FRMD5: variants seen among roughly 807,000 people sequenced by gnomAD.
The protein encoded by FRMD5 is FERM domain-containing protein 5.
A neutral mutation model predicts 69.0 loss-of-function variants in FRMD5; 20 were observed. The observed-to-expected ratio is 0.29, with a 90% CI of 0.20 to 0.42. The LOEUF is 0.42. Ranked by LOEUF, FRMD5 falls within the 10% of genes least tolerant of loss-of-function variation. The pLI, the probability that FRMD5 is intolerant of heterozygous loss-of-function variation, is 1.00. For synonymous variants in FRMD5, 271 were observed against 260.1 expected, an observed-to-expected ratio of 1.04 and a Z score of -0.40; for missense variants, 595 against 708.6, an observed-to-expected ratio of 0.84 and a Z score of 1.82.
chr15:44,054,907 T>A (rs1892809562), intron 1 of FRMD5, among the ~76,000 whole-genome samples: 1 of 151,690 alleles, frequency 6.6e-6, no homozygotes, highest in Admixed American at 6.6e-5. Context: ...CCATCTCTAC[T>A]AAAAATACAA....
chr15:44,082,308 A>G (rs1259892599), intron 1 of FRMD5, among the ~76,000 whole-genome samples: 2 of 151,944 alleles, frequency 1.3e-5, no homozygotes, highest in East Asian at 3.9e-4. Flanking sequence ...CCAAACTAAT[A>G]TATTTTTAAA....
At chr15:44,110,021 T>C (rs1481791796) in intron 1 of FRMD5, among the ~76,000 whole-genome samples, 1 of 152,238 alleles carries the variant, frequency 6.6e-6, no homozygotes, top group African/African-American at 2.4e-5. Context: ...TTTATTTATT[T>C]ATTCACCTTC....
rs113107317 is a variant in FRMD5 at position 43,871,065 on chromosome 15, A to T, written c.*2820T>A. 2 of 152,226 alleles carry T rather than the reference A, an allele frequency of 1.3e-5. No homozygotes were observed. The highest frequency in any genetic ancestry group is 4.8e-5 in the African/African-American group (2 of 41,460). 9.4% of individuals were successfully genotyped at this position (152,226 alleles called of 1,614,324 possible). ...GCTTTTTCTACAATGAGATAAACTA[A>T]TTTTGAGAGAAAATGAGAGACATGT... is the stretch of plus-strand genomic sequence containing the variant. On this transcript the variant is annotated 3_prime_UTR_variant, in exon 14 of 14. Transcript: ENST00000417257.
intron 1 of FRMD5, among the ~76,000 whole-genome samples, chr15:43,951,954 T>C (rs1215545921): frequency 6.6e-6 from 1 of 151,514 alleles, no homozygotes; most frequent in Non-Finnish European, 1.5e-5. Context: ...CCCGAGTCTG[T>C]ATGTGCATGT....
chr15:43,933,121 G>T (rs1184776015), intron 1 of FRMD5, among the ~76,000 whole-genome samples: 1 of 152,210 alleles, frequency 6.6e-6, no homozygotes, highest in Non-Finnish European at 1.5e-5. Context: ...GAGTGAGACA[G>T]CTGGGGCCCA....
At chr15:44,195,378 C>T (rs1488563092), upstream of FRMD5, 3 of 398,196 alleles carry the variant, frequency 7.5e-6, no homozygotes, top group African/African-American at 2.2e-5. Context: ...ACCGAAAAGC[C>T]AATCGAGATA....
intron 13 of FRMD5, among the ~76,000 whole-genome samples, chr15:43,874,740 A>T (rs1190840908): frequency 6.6e-6 from 1 of 151,838 alleles, no homozygotes; most frequent in Admixed American, 6.6e-5. Context: ...TCTCAACTAA[A>T]AATACAAAAA....
intron 10 of FRMD5, among the ~76,000 whole-genome samples, chr15:43,886,197 G>A (rs1435479017): frequency 6.6e-6 from 1 of 152,148 alleles, no homozygotes; most frequent in African/African-American, 2.4e-5. Context: ...GACCTTAGGG[G>A]TCTCCTTTCC....
At chr15:43,925,714 C>T (rs991724447) in intron 1 of FRMD5, among the ~76,000 whole-genome samples, 4 of 152,244 alleles carry the variant, frequency 2.6e-5, no homozygotes, top group Non-Finnish European at 4.4e-5. Flanking sequence ...CCTCACTACA[C>T]TTCAGCCATG....
chr15:43,979,263 A>G (rs2090511411), intron 1 of FRMD5, among the ~76,000 whole-genome samples: 1 of 150,886 alleles, frequency 6.6e-6, no homozygotes, highest in South Asian at 2.1e-4. Flanking sequence ...TGAACCTGGG[A>G]GGTGGAGATT....
intron 1 of FRMD5, among the ~76,000 whole-genome samples, chr15:44,038,751 G>A (rs907824983): frequency 6.6e-6 from 1 of 151,976 alleles, no homozygotes; most frequent in African/African-American, 2.4e-5. Context: ...AGCACGAGGG[G>A]TCAGGGGATT....
chr15:44,143,895 G>C (rs2077312359), intron 1 of FRMD5, among the ~76,000 whole-genome samples: 3 of 143,916 alleles, frequency 2.1e-5, no homozygotes, highest in African/African-American at 7.8e-5. Context: ...CTGCACGCCA[G>C]TCTGGGCGAC....
At chr15:44,053,303 A>C (rs1001904877) in intron 1 of FRMD5, among the ~76,000 whole-genome samples, 9 of 152,166 alleles carry the variant, frequency 5.9e-5, no homozygotes, top group African/African-American at 2.2e-4. Flanking sequence ...TTTAGTCTTT[A>C]TTTTAAGAGC....
chr15:44,108,466 G>A (rs1420644066), intron 1 of FRMD5, among the ~76,000 whole-genome samples: 1 of 152,158 alleles, frequency 6.6e-6, no homozygotes, highest in Non-Finnish European at 1.5e-5. Flanking sequence ...CCAACATAGA[G>A]AAACCCCGTC....
At chr15:44,011,956 C>T (rs1355061135) in intron 1 of FRMD5, among the ~76,000 whole-genome samples, 4 of 152,172 alleles carry the variant, frequency 2.6e-5, no homozygotes, top group African/African-American at 7.2e-5. Context: ...TCAAGTGCAA[C>T]AGCTAAAGAG....
chr15:44,124,688 G>GAC (rs2077001871), intron 1 of FRMD5, among the ~76,000 whole-genome samples: 1 of 152,042 alleles, frequency 6.6e-6, no homozygotes, highest in Admixed American at 6.5e-5. Context: ...GACAGAGGGA[G>GAC]ACTTCATCTC....
At chr15:44,075,079 T>G (rs2140424786) in intron 1 of FRMD5, among the ~76,000 whole-genome samples, 1 of 152,302 alleles carries the variant, frequency 6.6e-6, no homozygotes, top group South Asian at 2.1e-4. Context: ...AATGGCTGAT[T>G]ACTTGGCTCT....
intron 1 of FRMD5, among the ~76,000 whole-genome samples, chr15:43,936,838 C>T (rs192405968): frequency 1.3e-5 from 2 of 151,886 alleles, no homozygotes; most frequent in Non-Finnish European, 2.9e-5. Context: ...CAGTACAGCC[C>T]GGTTCTAAAG....
At chr15:44,063,993 C>G (rs966323378) in intron 1 of FRMD5, 1 of 228,744 alleles carries the variant, frequency 4.4e-6, no homozygotes, top group South Asian at 6.7e-5. Flanking sequence ...TTCCCCTGGC[C>G]AAGGTCATCC....
Sources: gnomAD v4.1 joint callset for allele counts (sites outside exome capture counted in the v4.1 genomes callset) on GRCh38, gnomAD v4.1.1 for gene constraint, MANE v1.5 for transcripts, NCBI Gene and HGNC (gene_info 2026-07-23, HGNC 2026-07-21) for gene names.